Variants in WIZ observed in about 807,000 individuals in gnomAD.
WIZ encodes the protein WIZ zinc finger, also known as protein Wiz.
Under a neutral mutation model 140.2 loss-of-function variants are expected in WIZ, and 25 were observed. That is an observed-to-expected ratio of 0.18 (90% CI 0.13 to 0.25). The LOEUF is 0.25. WIZ is among the 10% of genes least tolerant of loss of function. The pLI, the probability that WIZ is intolerant of heterozygous loss-of-function variation, is 1.00. For synonymous variants in WIZ, 1,125 were observed against 1,154.3 expected, an observed-to-expected ratio of 0.97 and a Z score of 0.51; for missense variants, 2,231 against 2,632.6, an observed-to-expected ratio of 0.85 and a Z score of 3.34.
intron 5 of WIZ, among the ~76,000 whole-genome samples, 157 bp from the exon 6 acceptor site, chr19:15,431,339 C>A (rs976314895): frequency 6.6e-6 from 1 of 152,238 alleles, no homozygotes; most frequent in African/African-American, 2.4e-5. Flanking sequence ...CCCCCAGCAC[C>A]AGTCCAGTGC....
chr19:15,433,086 GCTAGGACCTGCC>G (rs1014135067), intron 5 of WIZ: 5 of 219,988 alleles, frequency 2.3e-5, no homozygotes, highest in African/African-American at 1.2e-4. Context: ...GACGGGCGGA[GCTAGGACCTGCC>G]CTAGGACCCT....
At chr19:15,438,499 G>A (rs550164079) in intron 4 of WIZ, 79 bp downstream of exon 4, 18 of 1,406,322 alleles carry the variant, frequency 1.3e-5, no homozygotes, top group Middle Eastern at 2.4e-4. Flanking sequence ...CCTGCTTGGC[G>A]CTAAGGGAGA....
At chr19:15,437,262 C>T in intron 4 of WIZ, 133 bp from the exon 5 acceptor site, 1 of 806,516 alleles carries the variant, frequency 1.2e-6, no homozygotes, top group South Asian at 2.0e-5. Context: ...CTGCCTGCTC[C>T]TCAGCTCTCA....
chr19:15,425,270 T>G lies in WIZ; in HGVS notation c.4865A>C (p.Lys1622Thr). The G allele has an allele frequency of 6.3e-7, 1 of 1,590,810 alleles. No individual in the cohort carries two copies. The highest frequency in any genetic ancestry group is 8.6e-7 in the Non-Finnish European group (1 of 1,169,446). The change falls in exon 10 of 13, where the codon AAG becomes ACG. Residue 1622 changes from lysine (K) to threonine (T), a missense_variant. By Grantham distance (78) the Lys-to-Thr change is moderately conservative. Around this residue, in one of 15 missense-constraint regions of WIZ, gnomAD observed 393 missense variants for 451.7 expected, o/e 0.87. Transcript: ENST00000673675. ...YIQTELPFKA[K>T]TLHEKTSHSS... ...GTGGGAGGTCTTCTCATGAAGGGTC[T>G]TTGCCTTGAAGGGCAGTTCAGTCTG...
At chr19:15,445,183 A>G (rs1328108168) in intron 2 of WIZ, among the ~76,000 whole-genome samples, 1 of 152,194 alleles carries the variant, frequency 6.6e-6, no homozygotes, top group East Asian at 1.9e-4. Context: ...GTTCCCCGAG[A>G]GAGTTTGCAA....
intron 2 of WIZ, among the ~76,000 whole-genome samples, chr19:15,443,487 G>A (rs1969814618): frequency 6.6e-6 from 1 of 152,032 alleles, no homozygotes; most frequent in African/African-American, 2.4e-5. Flanking sequence ...TGACTGTATG[G>A]GCCTCCTCAG....
intron 2 of WIZ, among the ~76,000 whole-genome samples, chr19:15,447,048 C>T (rs926738104): frequency 6.6e-6 from 1 of 152,206 alleles, no homozygotes; most frequent in Non-Finnish European, 1.5e-5. Context: ...GTCTCAGTTT[C>T]CCCATCTCTG....
In WIZ at chr19:15,428,528, G is replaced by T. The variant is rs368882198; in HGVS notation, c.3416-20C>A. On this transcript the variant is annotated intron_variant, in intron 7 of 12. Transcript: ENST00000673675. The surrounding 1 kb of genome is among the most constrained non-coding windows in gnomAD (Gnocchi z 6.4). ...CTAAAGCTGCGGAGACAAAACACAGGGGGGGTTCACGGCCGCCACCTTGGC... is the reference window on the plus strand; with the variant it reads ...CTAAAGCTGCGGAGACAAAACACAGTGGGGGTTCACGGCCGCCACCTTGGC... 413 of 1,535,314 alleles carry T rather than the reference G, an allele frequency of 2.7e-4. No individual in the cohort carries two copies. Among genetic ancestry groups the T allele is most frequent in the East Asian group, 7.1e-4 (29 of 40,904 alleles).
In WIZ at chr19:15,438,725, G is replaced by A. The variant is rs1039249835; in HGVS notation, c.2269C>T (p.Arg757Cys). ...EERKCPYCPDRFHNGIGLANH... is the reference protein window; with the variant it reads ...EERKCPYCPDCFHNGIGLANH... ...GCCAAGCCGATGCCGTTGTGGAAGCGATCGGGGCAGTAGGGGCATTTCCGC... is the reference window on the plus strand; with the variant it reads ...GCCAAGCCGATGCCGTTGTGGAAGCAATCGGGGCAGTAGGGGCATTTCCGC... The change falls in exon 4 of 13, where the codon CGC (arginine) becomes TGC (cysteine). Residue 757 changes from arginine (R) to cysteine (C), a missense_variant. Arg to Cys is a radical substitution (Grantham distance 180). Transcript: ENST00000673675. The A allele has an allele frequency of 2.0e-5, 31 of 1,536,068 alleles. No homozygotes were observed. The highest frequency in any genetic ancestry group is 2.4e-5 in the Non-Finnish European group (28 of 1,146,918).
intron 5 of WIZ, chr19:15,433,085 A>T (rs1969374114): frequency 4.8e-6 from 1 of 208,404 alleles, no homozygotes; most frequent in Non-Finnish European, 8.4e-6. Context: ...CGACGGGCGG[A>T]GCTAGGACCT....
intron 1 of WIZ, 123 bp downstream of exon 1, chr19:15,449,674 CT>C (rs1457499433): frequency 6.8e-6 from 1 of 147,370 alleles, no homozygotes; most frequent in African/African-American, 2.5e-5. Flanking sequence ...GGCCCCGCCC[CT>C]GAAGGCCCCG....
chr19:15,426,881 C>G, intron 9 of WIZ, 101 bp downstream of exon 9: 2 of 1,405,262 alleles, frequency 1.4e-6, no homozygotes, highest in South Asian at 1.4e-5. Flanking sequence ...TGCGTGTCCT[C>G]CCTTCCAATT....
intron 3 of WIZ, among the ~76,000 whole-genome samples, chr19:15,441,409 A>G (rs1178545343): frequency 6.6e-6 from 1 of 152,172 alleles, no homozygotes; most frequent in Non-Finnish European, 1.5e-5. Flanking sequence ...CTTATACAAC[A>G]TCTGTGGAGC....
At chr19:15,441,315 G>A (rs1159202892) in intron 3 of WIZ, among the ~76,000 whole-genome samples, 1 of 152,168 alleles carries the variant, frequency 6.6e-6, no homozygotes, top group African/African-American at 2.4e-5. Context: ...AGTGGGGCTG[G>A]GGGAGGCAAG....
At position 15,424,104 on chromosome 19, in the gene WIZ, A is replaced by G; in HGVS notation, c.5510+79T>C. 1 of 1,331,988 alleles carries G rather than the reference A, an allele frequency of 7.5e-7. No individual in the cohort carries two copies. Among genetic ancestry groups the G allele is most frequent in the Non-Finnish European group, 9.9e-7 (1 of 1,014,108 alleles). The allele number at this position is 1,331,988 out of a possible 1,614,324, so 82.5% of individuals were successfully genotyped here. On this transcript the variant is annotated intron_variant, in intron 12 of 12. Transcript: ENST00000673675. This position sits in a 1 kb window ranked among gnomAD's most constrained non-coding sequence, Gnocchi z 9.7. ...GAGGCGACACCTCCCAGCTTCCACC[A>G]AACCCTATCCTGTTCCAAGGCTCCG...
chr19:15,439,938 C>A lies in WIZ; in HGVS notation c.1056G>T (p.Leu352=), dbSNP rs1424514173. The A allele has an allele frequency of 5.2e-6, 8 of 1,533,954 alleles. No homozygotes were observed. The highest frequency in any genetic ancestry group is 7.0e-6 in the Non-Finnish European group (8 of 1,145,854). The change falls in exon 4 of 13, where the codon CTG becomes CTT. Residue 352 remains leucine (L), a synonymous_variant. Transcript: ENST00000673675. The surrounding 1 kb of genome is among the most constrained non-coding windows in gnomAD (Gnocchi z 7.0). ...AGGCCCAGCCACACTCCCCGCAGGCCAGCGGGGCCAGGTCCGCAGGGGGCT... is the reference window on the plus strand; with the variant it reads ...AGGCCCAGCCACACTCCCCGCAGGCAAGCGGGGCCAGGTCCGCAGGGGGCT... ...GQEPPADLAP[L]ACGECGWAFA...
chr19:15,426,581 A>C (rs933621096), intron 9 of WIZ, among the ~76,000 whole-genome samples: 2 of 152,226 alleles, frequency 1.3e-5, no homozygotes, highest in Non-Finnish European at 2.9e-5. Flanking sequence ...TCCCAATGTC[A>C]AGCACTTAAT....
chr19:15,444,391 C>A (rs1268051051), intron 2 of WIZ, among the ~76,000 whole-genome samples: 1 of 152,084 alleles, frequency 6.6e-6, no homozygotes, highest in Non-Finnish European at 1.5e-5. Flanking sequence ...TCATCTACAG[C>A]GCAAGGTGTC....
In WIZ at chr19:15,442,547, C is replaced by T. The variant is rs1969782187; in HGVS notation, c.278+129G>A. 3 of 697,204 alleles carry T rather than the reference C, an allele frequency of 4.3e-6. No homozygotes were observed. The highest frequency in any genetic ancestry group is 6.0e-6 in the Non-Finnish European group (3 of 500,016). The allele number at this position is 697,204 out of a possible 1,614,324, so 43.2% of individuals were successfully genotyped here. On this transcript the variant is annotated intron_variant, in intron 3 of 12. Coordinates refer to ENST00000673675, the MANE Select transcript of WIZ (RefSeq NM_001371589.1). The surrounding 1 kb of genome is among the most constrained non-coding windows in gnomAD (Gnocchi z 5.5). ...CAGGGGCTTGCCTGCCGGGAGCTGA[C>T]TCCTCCTCCTGCCTGGCCTCCTGAT...
Sources: gnomAD v4.1 joint callset for allele counts (sites outside exome capture counted in the v4.1 genomes callset) on GRCh38, gnomAD v4.1.1 for gene constraint, gnomAD v4.1.1 regional missense constraint, Gnocchi (gnomAD v3.1) non-coding constraint, MANE v1.5 for transcripts, NCBI Gene and HGNC (gene_info 2026-07-23, HGNC 2026-07-21) for gene names.